The following LAMA3 variants were observed in gnomAD, a reference collection of about 807,000 sequenced individuals.
LAMA3 encodes laminin subunit alpha 3, also known as laminin subunit alpha-3.
A neutral mutation model predicts 402.0 loss-of-function variants in LAMA3; 281 were observed. That is an observed-to-expected ratio of 0.70 (90% confidence interval 0.63 to 0.77). The LOEUF is 0.77. Ranked by LOEUF, LAMA3 falls within the 30% of genes least tolerant of loss-of-function variation. The pLI, the probability that LAMA3 is intolerant of heterozygous loss-of-function variation, is 0.00. For synonymous variants in LAMA3, 1,431 were observed against 1,558.4 expected (o/e 0.92, Z 1.93); for missense variants, 3,840 against 4,215.5 (o/e 0.91, Z 2.47).
At chr18:23,899,707 C>T in intron 47 of LAMA3, 1 of 402,078 alleles carries the variant, frequency 2.5e-6, no homozygotes, top group Non-Finnish European at 4.6e-6. Context: ...GATATGGTTG[C>T]CTCTTTTTCC....
intron 33 of LAMA3, 46 bp downstream of exon 33, chr18:23,858,034 G>T: frequency 6.2e-7 from 1 of 1,612,688 alleles, no homozygotes; most frequent in Non-Finnish European, 8.5e-7. Flanking sequence ...CGGTCAGCAG[G>T]AAAGTGCTTC....
intron 51 of LAMA3, 44 bp from the exon 52 acceptor site, chr18:23,905,478 A>T: frequency 9.3e-7 from 1 of 1,071,826 alleles, no homozygotes. Context: ...CATATTTCGT[A>T]ACATATAGCA....
In LAMA3 at chr18:23,857,838, G is replaced by A; in HGVS notation, c.4137-6G>A. 1 of 1,614,238 alleles carries A rather than the reference G, an allele frequency of 6.2e-7. No homozygotes were observed. The highest frequency in any genetic ancestry group is 8.5e-7 in the Non-Finnish European group (1 of 1,180,034). ...ATGATTTTTGCTTCCTTTACTTTGT[G>A]TACAGATGCAAGCCCAGAATCACAG... On this transcript the variant is annotated splice_region_variant and splice_polypyrimidine_tract_variant and intron_variant, in intron 32 of 74. Transcript: ENST00000313654.
At chr18:23,830,002 A>G (rs2063462059) in intron 23 of LAMA3, among the ~76,000 whole-genome samples, 1 of 152,174 alleles carries the variant, frequency 6.6e-6, no homozygotes, top group Admixed American at 6.6e-5. Flanking sequence ...GCTGTCTCCT[A>G]TGGCACATGT....
intron 70 of LAMA3, chr18:23,946,759 A>G (rs1262674210): frequency 5.8e-6 from 1 of 170,942 alleles, no homozygotes; most frequent in African/African-American, 2.4e-5. Context: ...CCATAAATGG[A>G]AACCCAATAT....
At position 23,689,670 on chromosome 18, in the gene LAMA3, C is replaced by T. The variant is rs2060539990; in HGVS notation, c.-14C>T. The T allele has an allele frequency of 1.5e-6, 2 of 1,311,022 alleles. No homozygotes were observed. Among genetic ancestry groups the T allele is most frequent in the Middle Eastern group, 2.9e-4 (1 of 3,484 alleles). The allele number at this position is 1,311,022 out of a possible 1,614,324, so 81.2% of individuals were successfully genotyped here. On this transcript the variant is annotated 5_prime_UTR_variant, in exon 1 of 75. Transcript: ENST00000313654. ...TCTGCGGACGGCTCAGGCGGGAGGA[C>T]CCCGCGCGGCTGGATGGCGGCGGCC... is the stretch of plus-strand genomic sequence containing the variant.
chr18:23,694,988 T>A (rs190238380), intron 1 of LAMA3, among the ~76,000 whole-genome samples: 1 of 152,330 alleles, frequency 6.6e-6, no homozygotes, highest in African/African-American at 2.4e-5. Flanking sequence ...AATTTACTTA[T>A]CAGAGCAACA....
At chr18:23,939,115 AC>A in intron 67 of LAMA3, 107 bp from the exon 68 acceptor site, 1 of 1,186,238 alleles carries the variant, frequency 8.4e-7, no homozygotes, top group South Asian at 1.2e-5. Context: ...CTATTGCCCT[AC>A]TGAATTCCTC....
intron 52 of LAMA3, among the ~76,000 whole-genome samples, chr18:23,906,575 G>A (rs1440840652): frequency 6.6e-6 from 1 of 152,058 alleles, no homozygotes; most frequent in African/African-American, 2.4e-5. Context: ...TCCTTTCAGA[G>A]GGATTAAATG....
chr18:23,890,361 A>G (rs183165295), intron 42 of LAMA3, among the ~76,000 whole-genome samples: 4 of 150,856 alleles, frequency 2.7e-5, no homozygotes. Flanking sequence ...TTTTTTTTTT[A>G]AAAAGTGAAT....
At chr18:23,761,077 T>G (rs1423707329) in intron 7 of LAMA3, among the ~76,000 whole-genome samples, 1 of 152,200 alleles carries the variant, frequency 6.6e-6, no homozygotes, top group Admixed American at 6.5e-5. Context: ...TTATACATAC[T>G]TTAAATACTC....
chr18:23,780,589 C>A (rs1310457476), intron 11 of LAMA3, among the ~76,000 whole-genome samples: 1 of 152,036 alleles, frequency 6.6e-6, no homozygotes, highest in Non-Finnish European at 1.5e-5. Context: ...AAGACCTGAG[C>A]GGGCAGCCAG....
intron 30 of LAMA3, among the ~76,000 whole-genome samples, 195 bp downstream of exon 30, chr18:23,845,319 C>G (rs1333592370): frequency 1.3e-5 from 2 of 152,204 alleles, no homozygotes; most frequent in African/African-American, 4.8e-5. Context: ...CCATGTGCTG[C>G]CTGGGAAAGA....
chr18:23,932,431 T>A, intron 66 of LAMA3, 140 bp downstream of exon 66: 1 of 967,712 alleles, frequency 1.0e-6, no homozygotes, highest in East Asian at 2.6e-5. Flanking sequence ...CAAAATGCCA[T>A]CTTTGGCAAG....
Position 23,877,646 on chromosome 18 carries a change from ATTG to A in LAMA3, c.5112+1244_5112+1246del, listed in dbSNP as rs903446862. On this transcript the variant is annotated intron_variant, in intron 39 of 74. Transcript: ENST00000313654. ...AAGATGGGACAGGCTAGAAGAGGAA[ATTG>A]TTGTGAAGAGCCAACTGATAGAATA... is the stretch of plus-strand genomic sequence containing the variant. Among the ~76,000 whole-genome samples the A allele has an allele frequency of 2.6e-5, 4 of 152,328 alleles. No individual in the cohort carries two copies. In the East Asian group the frequency reaches 5.8e-4, roughly 22 times the overall value.
Position 23,847,652 on chromosome 18 carries a change from G to C in LAMA3, c.4120G>C (p.Asp1374His). ...GGCTGCCATGCCGGAGTGTGACCGG[G>C]ACAGCGGGCAGTGCAGGTGAGCTGG... ...IEAAMPECDR[D>H]SGQCRCKPRI... Residue 1374 changes from aspartate to histidine, a missense_variant, in exon 32 of 75, where the codon GAC becomes CAC. Coordinates refer to ENST00000313654, the MANE Select transcript of LAMA3 (RefSeq NM_198129.4). 6.2e-7 allele frequency: 1 copy of C among 1,613,762 alleles called. No homozygotes were observed. Among genetic ancestry groups the C allele is most frequent in the South Asian group, 1.1e-5 (1 of 91,024 alleles).
chr18:23,698,603 C>T (rs1433821255), intron 1 of LAMA3, among the ~76,000 whole-genome samples: 3 of 152,254 alleles, frequency 2.0e-5, no homozygotes, highest in Non-Finnish European at 4.4e-5. Context: ...ACCGCTTTAA[C>T]AGCTGGAAGC....
Position 23,861,080 on chromosome 18 carries a change from A to G in LAMA3, c.4423-566A>G, listed in dbSNP as rs539049982. Among the ~76,000 whole-genome samples the G allele has an allele frequency of 6.0e-5, 9 of 149,944 alleles. No homozygotes were observed. The South Asian group carries it at 6.4e-4, about 11-fold the overall frequency. On this transcript the variant is annotated intron_variant, in intron 34 of 74. Transcript: ENST00000313654. ...TAAAAGGAGTGTAGCTAGTAATTGGAAAAAAAAAATACTTTGTAAATCTGC... is the reference window on the plus strand; with the variant it reads ...TAAAAGGAGTGTAGCTAGTAATTGGGAAAAAAAAATACTTTGTAAATCTGC...
chr18:23,867,579 A>AT (rs1312266424), intron 36 of LAMA3, among the ~76,000 whole-genome samples: 1 of 151,928 alleles, frequency 6.6e-6, no homozygotes, highest in Non-Finnish European at 1.5e-5. Flanking sequence ...GAAAAAAAAA[A>AT]GAAATTCCAT....
Sources: gnomAD v4.1 joint callset for allele counts (sites outside exome capture counted in the v4.1 genomes callset) on GRCh38, gnomAD v4.1.1 for gene constraint, MANE v1.5 for transcripts, NCBI Gene and HGNC (gene_info 2026-07-23, HGNC 2026-07-21) for gene names.